Variants in SGMS2 observed in about 807,000 individuals in gnomAD.
SGMS2 encodes the protein phosphatidylcholine:ceramide cholinephosphotransferase 2.
SGMS2 carries 21 observed loss-of-function variants against 43.8 expected under a neutral mutation model. That is an observed-to-expected ratio of 0.48 (90% CI 0.34 to 0.69). SGMS2 has a LOEUF of 0.69. SGMS2 is among the 30% of genes least tolerant of loss of function. The pLI is 0.01. For missense variants in SGMS2, 384 were observed against 443.2 expected, an observed-to-expected ratio of 0.87 and a Z score of 1.20; for synonymous variants, 167 against 160.6, an observed-to-expected ratio of 1.04 and a Z score of -0.30.
At chr4:107,910,188 C>T (rs571369326) in intron 6 of SGMS2, among the ~76,000 whole-genome samples, 162 bp from the exon 7 acceptor site, 30 of 152,174 alleles carry the variant, frequency 2.0e-4, no homozygotes, top group Non-Finnish European at 4.4e-5. Context: ...GTTAGGGGAG[C>T]GGAGTCATGG....
chr4:107,903,978 TAAA>T (rs1051402817), intron 5 of SGMS2, among the ~76,000 whole-genome samples: 29 of 152,182 alleles, frequency 1.9e-4, no homozygotes, highest in African/African-American at 6.3e-4. Context: ...TGGCAAGAAA[TAAA>T]AATCTCTTTC....
At chr4:107,909,540 C>G (rs1578676998) in intron 6 of SGMS2, among the ~76,000 whole-genome samples, 1 of 152,192 alleles carries the variant, frequency 6.6e-6, no homozygotes, top group Non-Finnish European at 1.5e-5. Flanking sequence ...CTGCTGCTTC[C>G]TTGTTTCCAG....
intron 1 of SGMS2, among the ~76,000 whole-genome samples, chr4:107,835,364 T>C (rs998132410): frequency 2.6e-5 from 4 of 152,188 alleles, no homozygotes. Context: ...AATGCATCCT[T>C]TTTAGATTTG....
intron 2 of SGMS2, among the ~76,000 whole-genome samples, chr4:107,879,489 T>C (rs1729182683): frequency 6.7e-6 from 1 of 150,216 alleles, no homozygotes. Context: ...CGAGACCGAG[T>C]CTCACTCTGT....
At chr4:107,896,087 C>CT in intron 3 of SGMS2, 79 bp downstream of exon 3, 3 of 1,321,432 alleles carry the variant, frequency 2.3e-6, no homozygotes, top group Non-Finnish European at 3.1e-6. Flanking sequence ...ATTATTTTTC[C>CT]TTTTTTTCCC....
In SGMS2 at chr4:107,895,809, G is replaced by A. The variant is rs1445731125; in HGVS notation, c.256G>A (p.Ala86Thr). ...WWKTGIAFIY[A>T]VFNLVLTTVM... ...GAAAACGGGCATTGCCTTCATATATGCAGTTTTCAACCTCGTCTTGACAAC... is the reference window on the plus strand; with the variant it reads ...GAAAACGGGCATTGCCTTCATATATACAGTTTTCAACCTCGTCTTGACAAC... The change falls in exon 3 of 7, where the codon GCA (alanine) becomes ACA (threonine). Residue 86 changes from alanine (A) to threonine (T), a missense_variant. Physicochemically the swap from Ala to Thr is moderately conservative, Grantham distance 58. Transcript: ENST00000690982. The A allele has an allele frequency of 3.1e-6, 5 of 1,613,872 alleles. No individual in the cohort carries two copies. The African/African-American group carries it at 6.7e-5, about 22-fold the overall frequency.
At chr4:107,894,659 C>G (rs563871468) in intron 2 of SGMS2, among the ~76,000 whole-genome samples, 2 of 152,252 alleles carry the variant, frequency 1.3e-5, no homozygotes, top group Admixed American at 1.3e-4. Flanking sequence ...CTTGGTGTAT[C>G]TTTTCAGAGT....
intron 2 of SGMS2, among the ~76,000 whole-genome samples, chr4:107,890,155 C>T (rs1254913241): frequency 6.6e-6 from 1 of 152,074 alleles, no homozygotes; most frequent in South Asian, 2.1e-4. Context: ...TAAAAGCAAG[C>T]AGTTTAAAAG....
At chr4:107,855,665 T>C (rs1727382058) in intron 1 of SGMS2, among the ~76,000 whole-genome samples, 1 of 152,130 alleles carries the variant, frequency 6.6e-6, no homozygotes, top group African/African-American at 2.4e-5. Context: ...TGTATAGCCG[T>C]TGGATGAAAT....
At chr4:107,860,464 G>A (rs2126031142) in intron 2 of SGMS2, among the ~76,000 whole-genome samples, 1 of 151,862 alleles carries the variant, frequency 6.6e-6, no homozygotes, top group Admixed American at 6.6e-5. Context: ...AGAATTGCAG[G>A]TCATAAGGTG....
chr4:107,844,597 T>C (rs1726705667), intron 1 of SGMS2, among the ~76,000 whole-genome samples: 3 of 152,024 alleles, frequency 2.0e-5, no homozygotes, highest in Admixed American at 6.6e-5. Flanking sequence ...GCTACTCTAC[T>C]GGAGAATCTG....
rs773501530 is a variant in SGMS2 at position 107,899,655 on chromosome 4, T to C, written c.536T>C (p.Leu179Pro). 7 of 1,612,966 alleles carry C rather than the reference T, an allele frequency of 4.3e-6. No individual in the cohort carries two copies. The highest frequency in any genetic ancestry group is 5.9e-6 in the Non-Finnish European group (7 of 1,179,524). ...YRCITMYVTT[L>P]PVPGMHFQCA... is the part of the protein sequence containing the mutation. Reference sequence around the variant, plus strand: ...TGCATTACAATGTATGTTACTACTCTACCTGTGCCTGGAATGCATTTCCAG... The same window carrying C: ...TGCATTACAATGTATGTTACTACTCCACCTGTGCCTGGAATGCATTTCCAG... The change falls in exon 4 of 7, where the codon CTA becomes CCA. Residue 179 changes from leucine to proline, a missense_variant. By Grantham distance (98) the Leu-to-Pro change is moderately conservative (BLOSUM62 -3). Transcript: ENST00000690982.
At chr4:107,861,112 A>G (rs1022990086) in intron 2 of SGMS2, among the ~76,000 whole-genome samples, 1 of 152,190 alleles carries the variant, frequency 6.6e-6, no homozygotes, top group Non-Finnish European at 1.5e-5. Context: ...AAGTTTAAAT[A>G]CATTTTCGAA....
Position 107,899,710 on chromosome 4 carries a change from G to T in SGMS2, c.573+18G>T. On this transcript the variant is annotated intron_variant, in intron 4 of 6. Coordinates refer to ENST00000690982, the MANE Select transcript of SGMS2 (RefSeq NM_001375905.1). ...CTCCAAAGGTCAGTACCTCCAAACT[G>T]CCACTTAGAAGAAATCAGGCAAACA... is the stretch of plus-strand genomic sequence containing the variant. The T allele has an allele frequency of 6.4e-7, 1 of 1,554,182 alleles. No homozygotes were observed. Among genetic ancestry groups the T allele is most frequent in the South Asian group, 1.1e-5 (1 of 87,630 alleles).
At position 107,903,257 on chromosome 4, in the gene SGMS2, G is replaced by A; in HGVS notation, c.598G>A (p.Val200Ile). The change falls in exon 5 of 7, where the codon GTT becomes ATT. Residue 200 changes from valine to isoleucine, a missense_variant. Physicochemically the swap from Val to Ile is conservative, Grantham distance 29. Coordinates refer to ENST00000690982, the MANE Select transcript of SGMS2 (RefSeq NM_001375905.1). ...PKLNGDSQAK[V>I]QRILRLISGG... ...GCTCAATGGAGACTCTCAGGCAAAA[G>A]TTCAACGGATTCTACGATTGATTTC... The A allele has an allele frequency of 2.5e-6, 4 of 1,614,038 alleles. No individual in the cohort carries two copies. Among genetic ancestry groups the A allele is most frequent in the Non-Finnish European group, 3.4e-6 (4 of 1,179,946 alleles).
At chr4:107,892,419 A>T (rs1488184510) in intron 2 of SGMS2, among the ~76,000 whole-genome samples, 1 of 124,950 alleles carries the variant, frequency 8.0e-6, no homozygotes, top group Non-Finnish European at 1.8e-5. Flanking sequence ...GTTAAAGGTC[A>T]GGGGCACCTC....
chr4:107,887,377 A>G lies in SGMS2; in HGVS notation c.-244-7933A>G, dbSNP rs1464001107. ...TTTGTTACCTCTGTGGCATACAATA[A>G]TTTAACATAATTATAATTATTACTG... is the stretch of plus-strand genomic sequence containing the variant. On this transcript the variant is annotated intron_variant, in intron 2 of 6. Coordinates refer to ENST00000690982, the MANE Select transcript of SGMS2 (RefSeq NM_001375905.1). 2.0e-5 allele frequency among the ~76,000 whole-genome samples: 3 copies of G among 152,336 alleles called. No individual in the cohort carries two copies. The East Asian group carries it at 5.8e-4, about 29-fold the overall frequency.
chr4:107,883,904 C>T (rs1171876341), intron 2 of SGMS2, among the ~76,000 whole-genome samples: 2 of 152,110 alleles, frequency 1.3e-5, no homozygotes, highest in Non-Finnish European at 2.9e-5. Context: ...TAAAGCAAAC[C>T]AGTCCTACCA....
At chr4:107,893,537 C>T (rs1274145241) in intron 2 of SGMS2, 2 of 152,258 alleles carry the variant, frequency 1.3e-5, no homozygotes, top group African/African-American at 4.8e-5. Flanking sequence ...CTTCCCACAA[C>T]ATTGTGCCAA....
Sources: allele counts gnomAD v4.1 joint callset (sites outside exome capture counted in the v4.1 genomes callset), GRCh38; gene constraint gnomAD v4.1.1; transcripts MANE v1.5; gene names NCBI Gene and HGNC (gene_info 2026-07-23, HGNC 2026-07-21).